The following ADAM10 variants were observed in gnomAD, a reference collection of about 807,000 sequenced individuals.
ADAM10 encodes ADAM metallopeptidase domain 10.
In ADAM10, 17 loss-of-function variants were observed where a neutral mutation model predicts 90.1. The ratio of observed to expected loss-of-function variants is 0.19; its 90% CI spans 0.13 to 0.28. The LOEUF is 0.28. Ranked by LOEUF, ADAM10 falls within the 10% of genes least tolerant of loss-of-function variation. The pLI is 1.00. For missense variants in ADAM10, 610 were observed against 914.3 expected, an observed-to-expected ratio of 0.67 and a Z score of 4.29; for synonymous variants, 310 against 298.6, an observed-to-expected ratio of 1.04 and a Z score of -0.40.
At position 58,590,103 on chromosome 15, in the gene ADAM10, C is replaced by A. The variant is rs750981502; in HGVS notation, c.*7444G>T. 7 of 152,186 alleles carry A rather than the reference C, an allele frequency of 4.6e-5. No homozygotes were observed. Among genetic ancestry groups the A allele is most frequent in the African/African-American group, 7.2e-5 (3 of 41,434 alleles). The allele number at this position is 152,186 out of a possible 1,614,324, so 9.4% of individuals were successfully genotyped here. On this transcript the variant is annotated 3_prime_UTR_variant, in exon 16 of 16. Coordinates refer to ENST00000260408, the MANE Select transcript of ADAM10 (RefSeq NM_001110.4). Reference sequence around the variant, plus strand: ...CTATGTAATCTATTTAAACTCTCTTCATCCATCATATTTTGACTCAAGCAT... The same window carrying A: ...CTATGTAATCTATTTAAACTCTCTTAATCCATCATATTTTGACTCAAGCAT...
intron 11 of ADAM10, among the ~76,000 whole-genome samples, chr15:58,615,150 T>A (rs541588089): frequency 6.6e-6 from 1 of 151,942 alleles, no homozygotes; most frequent in South Asian, 2.1e-4. Context: ...GGCAGGCGCC[T>A]GTAGTCCCAG....
chr15:58,676,536 T>A (rs539789571), intron 4 of ADAM10, among the ~76,000 whole-genome samples: 2 of 152,238 alleles, frequency 1.3e-5, no homozygotes, highest in South Asian at 4.1e-4. Context: ...TTGTTTGACA[T>A]GAAAACTAAG....
chr15:58,624,217 G>A (rs185698563), intron 10 of ADAM10, among the ~76,000 whole-genome samples: 9 of 151,676 alleles, frequency 5.9e-5, no homozygotes, highest in Admixed American at 5.2e-4. Flanking sequence ...ACCTGGGAGG[G>A]AGAGGTTGCA....
intron 5 of ADAM10, among the ~76,000 whole-genome samples, chr15:58,651,591 A>G (rs1896688658): frequency 6.6e-6 from 1 of 152,188 alleles, no homozygotes; most frequent in Non-Finnish European, 1.5e-5. Flanking sequence ...TACAGAATCT[A>G]ATTCTGTTTT....
At chr15:58,598,733 A>G (rs1895026268) in intron 15 of ADAM10, among the ~76,000 whole-genome samples, 1 of 152,194 alleles carries the variant, frequency 6.6e-6, no homozygotes, top group South Asian at 2.1e-4. Flanking sequence ...GGGAGGGATA[A>G]ACAGAGGGAA....
intron 14 of ADAM10, among the ~76,000 whole-genome samples, chr15:58,606,568 A>C (rs1456226436): frequency 3.9e-5 from 6 of 152,270 alleles, no homozygotes; most frequent in Non-Finnish European, 8.8e-5. Context: ...AGTTTCATTA[A>C]GTGCTATGCT....
In ADAM10 at chr15:58,665,182, T is replaced by C. The variant is rs1897051784; in HGVS notation, c.500A>G (p.Tyr167Cys). 1.9e-6 allele frequency: 3 copies of C among 1,611,268 alleles called. No homozygotes were observed. Among genetic ancestry groups the C allele is most frequent in the Non-Finnish European group, 2.5e-6 (3 of 1,177,490 alleles). The change falls in exon 5 of 16, where the codon TAC (tyrosine) becomes TGC (cysteine). Residue 167 changes from tyrosine (Y) to cysteine (C), a missense_variant. By Grantham distance (194) the Tyr-to-Cys change is radical (BLOSUM62 -2). Transcript: ENST00000260408. ...ATCTGCACAGCCCCCCTGAGGACCG[T>C]ATTTATGGGGATAGTCTAAAATACA... ...HEDDINYPHK[Y>C]GPQGGCADHS...
At chr15:58,717,793 T>G in intron 1 of ADAM10, 66 bp from the exon 2 acceptor site, 1 of 1,564,886 alleles carries the variant, frequency 6.4e-7, no homozygotes, top group Non-Finnish European at 8.6e-7. Context: ...TCTAACACGA[T>G]TATTCAAGTA....
At position 58,640,633 on chromosome 15, in the gene ADAM10, T is replaced by C. The variant is rs1458362007; in HGVS notation, c.1012+144A>G. On this transcript the variant is annotated intron_variant, in intron 8 of 15. Coordinates refer to ENST00000260408, the MANE Select transcript of ADAM10 (RefSeq NM_001110.4). ...TCTATTGTGGCTTTTACATTATGCT[T>C]ATGAGTCTTGCCTAACTCAAGTAGC... 29 of 765,382 alleles carry C rather than the reference T, an allele frequency of 3.8e-5. 1 individual carries two copies. Among genetic ancestry groups the C allele is most frequent in the Non-Finnish European group, 5.5e-5 (26 of 472,212 alleles). 47.4% of individuals were successfully genotyped at this position (765,382 alleles called of 1,614,324 possible).
intron 1 of ADAM10, among the ~76,000 whole-genome samples, chr15:58,743,875 C>T (rs954888312): frequency 4.6e-5 from 7 of 152,078 alleles, no homozygotes; most frequent in Admixed American, 1.3e-4. Flanking sequence ...CCCAAAGTGC[C>T]GGGATTACAG....
At chr15:58,659,428 C>T (rs965673030) in intron 5 of ADAM10, among the ~76,000 whole-genome samples, 1 of 152,078 alleles carries the variant, frequency 6.6e-6, no homozygotes, top group Non-Finnish European at 1.5e-5. Context: ...GTGTTGAGTG[C>T]TGAAATTTGG....
intron 2 of ADAM10, among the ~76,000 whole-genome samples, chr15:58,706,450 T>C (rs754032766): frequency 6.6e-6 from 1 of 152,230 alleles, no homozygotes; most frequent in African/African-American, 2.4e-5. Flanking sequence ...ATTAAGATGC[T>C]TGAGAGAGTC....
chr15:58,637,834 G>C (rs756678466), intron 8 of ADAM10, among the ~76,000 whole-genome samples: 1 of 151,916 alleles, frequency 6.6e-6, no homozygotes, highest in Non-Finnish European at 1.5e-5. Flanking sequence ...TGGTCACAAA[G>C]TTTCTGAACA....
chr15:58,592,503 A>G lies in ADAM10; in HGVS notation c.*5044T>C, dbSNP rs1220096398. The G allele has an allele frequency of 1.3e-5, 2 of 152,144 alleles. No individual in the cohort carries two copies. Among genetic ancestry groups the G allele is most frequent in the Non-Finnish European group, 2.9e-5 (2 of 68,024 alleles). The allele number at this position is 152,144 out of a possible 1,614,324, so 9.4% of individuals were successfully genotyped here. Reference sequence around the variant, plus strand: ...CCTGAATCTTTCTGATCTGGTACAAAACAATGTTTCCTAGGTTCTTCTTGT... The same window carrying G: ...CCTGAATCTTTCTGATCTGGTACAAGACAATGTTTCCTAGGTTCTTCTTGT... On this transcript the variant is annotated 3_prime_UTR_variant, in exon 16 of 16. Transcript: ENST00000260408.
At chr15:58,748,417 T>A (rs1190282592) in intron 1 of ADAM10, 1 of 152,360 alleles carries the variant, frequency 6.6e-6, no homozygotes, top group Non-Finnish European at 1.5e-5. Flanking sequence ...AAGTTTACTC[T>A]GGGGCAAGTC....
intron 14 of ADAM10, among the ~76,000 whole-genome samples, chr15:58,601,827 A>G (rs1434745490): frequency 6.6e-6 from 1 of 152,186 alleles, no homozygotes; most frequent in African/African-American, 2.4e-5. Context: ...GTTATTTTGC[A>G]TGGGAATGTC....
intron 4 of ADAM10, among the ~76,000 whole-genome samples, chr15:58,677,746 GT>G (rs1159267776): frequency 2.0e-5 from 3 of 152,038 alleles, no homozygotes; most frequent in African/African-American, 7.2e-5. Flanking sequence ...TCCTCAAAAG[GT>G]TTTCTTTGAT....
chr15:58,717,716 T>A lies in ADAM10; in HGVS notation c.67A>T (p.Asn23Tyr), dbSNP rs199518427. Reference sequence around the variant, plus strand: ...TGTCTGATATATTTATTTAAAGGATTCCCATACTGACCTATAAAAAAAAAA... The same window carrying A: ...TGTCTGATATATTTATTTAAAGGATACCCATACTGACCTATAAAAAAAAAA... Reference protein sequence around the residue: ...WAAGMGGQYGNPLNKYIRHYE... With the variant: ...WAAGMGGQYGYPLNKYIRHYE... The change falls in exon 2 of 16, where the codon AAT becomes TAT. Residue 23 changes from asparagine to tyrosine, a missense_variant. Physicochemically the swap from Asn to Tyr is moderately radical, Grantham distance 143. Around this residue, in one of 4 missense-constraint regions of ADAM10, gnomAD observed 310 missense variants for 362.4 expected, o/e 0.86. Coordinates refer to ENST00000260408, the MANE Select transcript of ADAM10 (RefSeq NM_001110.4). The A allele has an allele frequency of 5.0e-6, 8 of 1,612,330 alleles. No homozygotes were observed. Among genetic ancestry groups the A allele is most frequent in the Non-Finnish European group, 5.9e-6 (7 of 1,179,408 alleles).
chr15:58,631,855 G>A (rs1362690407), intron 9 of ADAM10, among the ~76,000 whole-genome samples: 1 of 152,156 alleles, frequency 6.6e-6, no homozygotes, highest in Non-Finnish European at 1.5e-5. Flanking sequence ...CAGAGATTAA[G>A]CACATTTTAA....
Sources: gnomAD v4.1 joint callset for allele counts (sites outside exome capture counted in the v4.1 genomes callset) on GRCh38, gnomAD v4.1.1 for gene constraint, gnomAD v4.1.1 regional missense constraint, MANE v1.5 for transcripts, NCBI Gene and HGNC (gene_info 2026-07-23, HGNC 2026-07-21) for gene names.